Variants in SPTY2D1 observed in about 807,000 individuals in gnomAD.
SPTY2D1 encodes the protein protein SPT2 homolog.
SPTY2D1 carries 21 observed loss-of-function variants against 64.0 expected under a neutral mutation model. The observed-to-expected ratio is 0.33, with a 90% CI of 0.23 to 0.47. The LOEUF is 0.47. Among genes scored for constraint, SPTY2D1 ranks in the 20% least tolerant of loss-of-function variants. The pLI is 1.00. For synonymous variants in SPTY2D1, 287 were observed against 286.8 expected (o/e 1.00, Z -0.01); for missense variants, 724 against 837.2 (o/e 0.86, Z 1.67).
At position 18,616,891 on chromosome 11, in the gene SPTY2D1, C is replaced by T. The variant is rs1854308630; in HGVS notation, c.159G>A (p.Glu53=). ...GATACATACCTTTTCGTCTCAGCTCCTCTTCTTTCCTTTTAAGAAAAGCTT... is the reference window on the plus strand; with the variant it reads ...GATACATACCTTTTCGTCTCAGCTCTTCTTCTTTCCTTTTAAGAAAAGCTT... ...AVQAFLKRKE[E]ELRRKALEEK... Residue 53 remains glutamate (E), a synonymous_variant, in exon 2 of 6, where the codon GAG becomes GAA. Transcript: ENST00000336349. 3 of 1,613,980 alleles carry T rather than the reference C, an allele frequency of 1.9e-6. No homozygotes were observed. The highest frequency in any genetic ancestry group is 2.5e-6 in the Non-Finnish European group (3 of 1,180,014).
chr11:18,611,641 C>A, intron 4 of SPTY2D1, 87 bp from the exon 5 acceptor site: 1 of 1,050,862 alleles, frequency 9.5e-7, no homozygotes, highest in Non-Finnish European at 1.4e-6. Context: ...ATCAATATCT[C>A]CTTTAAAACT....
chr11:18,634,091 T>C, intron 1 of SPTY2D1, 107 bp downstream of exon 1: 1 of 1,273,364 alleles, frequency 7.9e-7, no homozygotes, highest in East Asian at 2.3e-5. Flanking sequence ...TCCGGGTCTT[T>C]CCTCTCCCGG....
At chr11:18,633,841 T>A (rs1213978578) in intron 1 of SPTY2D1, among the ~76,000 whole-genome samples, 1 of 152,094 alleles carries the variant, frequency 6.6e-6, no homozygotes, top group Non-Finnish European at 1.5e-5. Flanking sequence ...TCCTTCCCAA[T>A]CTCTAGGCTG....
chr11:18,627,467 G>A (rs568937259), intron 1 of SPTY2D1, among the ~76,000 whole-genome samples: 132 of 151,722 alleles, frequency 8.7e-4, no homozygotes, highest in African/African-American at 3.0e-3. Context: ...CCTTCACCGG[G>A]CGTGGTGGCT....
At chr11:18,631,946 G>A (rs1854595157) in intron 1 of SPTY2D1, among the ~76,000 whole-genome samples, 1 of 152,104 alleles carries the variant, frequency 6.6e-6, no homozygotes. Flanking sequence ...AGGAGTTCAA[G>A]ACCAGCCTGG....
chr11:18,615,146 G>C lies in SPTY2D1; in HGVS notation c.1128C>G (p.Ser376Arg), dbSNP rs1397081128. ...CTGTGCTGGGCTGCCCAGGGGCTGA[G>C]CTAGAGCTGCTGCCTGGCTGCCTGA... ...PGVRQPGSSS[S>R]SAPGQPSTGV... is the part of the protein sequence containing the mutation. Residue 376 changes from serine (S) to arginine (R), a missense_variant, in exon 3 of 6, where the codon AGC becomes AGG. Around this residue, in one of 3 missense-constraint regions of SPTY2D1, gnomAD observed 426 missense variants for 431.8 expected, o/e 0.99. Transcript: ENST00000336349. The C allele has an allele frequency of 6.2e-7, 1 of 1,614,110 alleles. No individual in the cohort carries two copies. The highest frequency in any genetic ancestry group is 8.5e-7 in the Non-Finnish European group (1 of 1,180,050).
chr11:18,630,532 T>C (rs1413551168), intron 1 of SPTY2D1, among the ~76,000 whole-genome samples: 1 of 152,164 alleles, frequency 6.6e-6, no homozygotes, highest in East Asian at 1.9e-4. Flanking sequence ...GTACAGGTGT[T>C]TGGATTTTAG....
At position 18,612,417 on chromosome 11, in the gene SPTY2D1, C is replaced by T. The variant is rs1162162226; in HGVS notation, c.1783G>A (p.Asp595Asn). 2 of 1,610,952 alleles carry T rather than the reference C, an allele frequency of 1.2e-6. No individual in the cohort carries two copies. Among genetic ancestry groups the T allele is most frequent in the South Asian group, 1.1e-5 (1 of 90,688 alleles). ...REYEEEDDDD[D>N]EYDSEMEDFI... ...TCTTCCATTTCAGAGTCGTATTCAT[C>T]ATCATCGTCATCTTCCTCTTCATAT... is the stretch of plus-strand genomic sequence containing the variant. The change falls in exon 4 of 6, where the codon GAT (aspartate) becomes AAT (asparagine). Residue 595 changes from aspartate to asparagine, a missense_variant. Around this residue, in one of 3 missense-constraint regions of SPTY2D1, gnomAD observed 119 missense variants for 172.9 expected, o/e 0.69. Coordinates refer to ENST00000336349, the MANE Select transcript of SPTY2D1 (RefSeq NM_194285.3). This position sits in a 1 kb window ranked among gnomAD's most constrained non-coding sequence, Gnocchi z 4.6.
In SPTY2D1 at chr11:18,614,954, G is replaced by T; in HGVS notation, c.1320C>A (p.Ser440Arg). 1.2e-6 allele frequency: 2 copies of T among 1,613,962 alleles called. No homozygotes were observed. Among genetic ancestry groups the T allele is most frequent in the Non-Finnish European group, 1.7e-6 (2 of 1,179,918 alleles). ...TGGGTCGCCCAGGGCCACCTGAGCT[G>T]CTTGCAGGTTGTCCAGGGCCACATG... The part of the protein sequence containing the change: ...SGTCGPGQPA[S>R]SSGGPGRPIS... Residue 440 changes from serine (S) to arginine (R), a missense_variant, in exon 3 of 6, where the codon AGC becomes AGA. By Grantham distance (110) the Ser-to-Arg change is moderately radical. Around this residue, in one of 3 missense-constraint regions of SPTY2D1, gnomAD observed 426 missense variants for 431.8 expected, o/e 0.99. Coordinates refer to ENST00000336349, the MANE Select transcript of SPTY2D1 (RefSeq NM_194285.3).
rs1020374941 is a variant in SPTY2D1 at position 18,606,946 on chromosome 11, C to T, written c.*2915G>A. ...TGCTATCTTGGCTGACTGCAACCTC[C>T]GCCTCCCAGGTTCTAGCGATTCTCC... On this transcript the variant is annotated 3_prime_UTR_variant, in exon 6 of 6. Transcript: ENST00000336349. The T allele has an allele frequency of 4.1e-5, 12 of 296,018 alleles. No individual in the cohort carries two copies. Among genetic ancestry groups the T allele is most frequent in the Admixed American group, 1.2e-4 (2 of 16,418 alleles). The allele number at this position is 296,018 out of a possible 1,614,324, so 18.3% of individuals were successfully genotyped here. A position where few individuals can be genotyped will look rare whatever the true frequency, so the allele number is the denominator to read the frequency against.
At chr11:18,614,506 C>T in intron 3 of SPTY2D1, 57 bp downstream of exon 3, 1 of 1,518,532 alleles carries the variant, frequency 6.6e-7, no homozygotes, top group African/African-American at 1.4e-5. Flanking sequence ...AATATAAAAA[C>T]TCTTTCCAAT....
In SPTY2D1 at chr11:18,615,991, C is replaced by T; in HGVS notation, c.283G>A (p.Gly95Ser). 6.2e-7 allele frequency: 1 copy of T among 1,614,204 alleles called. No homozygotes were observed. Among genetic ancestry groups the T allele is most frequent in the East Asian group, 2.2e-5 (1 of 44,892 alleles). The change falls in exon 3 of 6, where the codon GGT (glycine) becomes AGT (serine). Residue 95 changes from glycine (G) to serine (S), a missense_variant. Gly to Ser is a moderately conservative substitution (Grantham distance 56). Coordinates refer to ENST00000336349, the MANE Select transcript of SPTY2D1 (RefSeq NM_194285.3). ...TCCTCAATAGGAATCCCATTGTAAC[C>T]ATGGAAATTATCCTTTGTCCTCTTG... is the stretch of plus-strand genomic sequence containing the variant. ...MAKRTKDNFHGYNGIPIEEKS... is the reference protein window; with the variant it reads ...MAKRTKDNFHSYNGIPIEEKS...
Position 18,614,620 on chromosome 11 carries a change from T to C in SPTY2D1, c.1654A>G (p.Ser552Gly), listed in dbSNP as rs1336258123. ...ISSKNIISRS[S>G]NGQMNGMKPP... The stretch of plus-strand genomic sequence containing the variant: ...TTCATTCCATTCATCTGTCCATTGC[T>C]GGACCGGCTAATGATATTCTTGGAA... The change falls in exon 3 of 6, where the codon AGC (serine) becomes GGC (glycine). Residue 552 changes from serine (S) to glycine (G), a missense_variant. Ser to Gly is a moderately conservative substitution (Grantham distance 56). Coordinates refer to ENST00000336349, the MANE Select transcript of SPTY2D1 (RefSeq NM_194285.3). 1.9e-6 allele frequency: 3 copies of C among 1,614,250 alleles called. No homozygotes were observed. The Admixed American group carries it at 5.0e-5, about 27-fold the overall frequency.
chr11:18,627,920 T>C (rs111472272), intron 1 of SPTY2D1, among the ~76,000 whole-genome samples: 3,209 of 151,324 alleles, frequency 0.021, 45 homozygotes, highest in African/African-American at 0.041. Flanking sequence ...TGGTGGTGCA[T>C]GCCTGTAGTC....
Position 18,634,084 on chromosome 11 carries a change from G to A in SPTY2D1, c.60+114C>T. On this transcript the variant is annotated intron_variant, in intron 1 of 5. Coordinates refer to ENST00000336349, the MANE Select transcript of SPTY2D1 (RefSeq NM_194285.3). Reference sequence around the variant, plus strand: ...CCCAAGAAAAGGAAATAAGGCGTCCGGGTCTTTCCTCTCCCGGAGCCGATA... The same window carrying A: ...CCCAAGAAAAGGAAATAAGGCGTCCAGGTCTTTCCTCTCCCGGAGCCGATA... The A allele has an allele frequency of 2.6e-6, 3 of 1,165,294 alleles. No homozygotes were observed. In the Admixed American group the frequency reaches 5.9e-5, roughly 23 times the overall value. 72.2% of individuals were successfully genotyped at this position (1,165,294 alleles called of 1,614,324 possible). A position where few individuals can be genotyped will look rare whatever the true frequency, so the allele number is the denominator to read the frequency against.
intron 3 of SPTY2D1, among the ~76,000 whole-genome samples, chr11:18,613,711 TTAA>T (rs1369675371): frequency 6.6e-6 from 1 of 152,192 alleles, no homozygotes; most frequent in East Asian, 1.9e-4. Context: ...AACAAGTGCT[TTAA>T]TAAATCTCTA....
intron 1 of SPTY2D1, among the ~76,000 whole-genome samples, chr11:18,631,819 A>G (rs1459177641): frequency 6.6e-6 from 1 of 152,218 alleles, no homozygotes; most frequent in Admixed American, 6.5e-5. Context: ...TAAATAGAAC[A>G]GTTAGATGAA....
At chr11:18,621,646 A>G (rs1854406853) in intron 1 of SPTY2D1, among the ~76,000 whole-genome samples, 1 of 152,220 alleles carries the variant, frequency 6.6e-6, no homozygotes, top group African/African-American at 2.4e-5. Flanking sequence ...CAGAAACTCA[A>G]TAAATCTATA....
chr11:18,633,273 A>T (rs1372525314), intron 1 of SPTY2D1, among the ~76,000 whole-genome samples: 1 of 152,206 alleles, frequency 6.6e-6, no homozygotes, highest in Non-Finnish European at 1.5e-5. Flanking sequence ...ACTTCGTCGG[A>T]GCTCAATAAA....
Sources: allele counts gnomAD v4.1 joint callset (sites outside exome capture counted in the v4.1 genomes callset), GRCh38; gene constraint gnomAD v4.1.1; regional missense constraint gnomAD v4.1.1; non-coding constraint Gnocchi (gnomAD v3.1); transcripts MANE v1.5; gene names NCBI Gene and HGNC (gene_info 2026-07-23, HGNC 2026-07-21).